FECH: variants seen among roughly 807,000 people sequenced by gnomAD.
FECH encodes the protein ferrochelatase, mitochondrial.
In FECH, 40 loss-of-function variants were observed where a neutral mutation model predicts 56.9. The observed-to-expected ratio is 0.70, with a 90% CI of 0.55 to 0.92. FECH has a LOEUF of 0.92. Among genes scored for constraint, FECH ranks in the 40% least tolerant of loss-of-function variants. FECH has a pLI of 0.00. For missense variants in FECH, 431 were observed against 529.1 expected, an observed-to-expected ratio of 0.81 and a Z score of 1.82; for synonymous variants, 175 against 198.6, an observed-to-expected ratio of 0.88 and a Z score of 1.00.
chr18:57,547,079 G>A lies in FECH; in HGVS notation c.*3633C>T, dbSNP rs2050730332. Reference sequence around the variant, plus strand: ...TTGGCCAATTTCTCCCATTTGGAATGGGAACATTTACCAATGTCTGTACTC... The same window carrying A: ...TTGGCCAATTTCTCCCATTTGGAATAGGAACATTTACCAATGTCTGTACTC... On this transcript the variant is annotated 3_prime_UTR_variant, in exon 11 of 11. Coordinates refer to ENST00000262093, the MANE Select transcript of FECH (RefSeq NM_000140.5). Among the ~76,000 whole-genome samples, 1 of 152,012 alleles carries A rather than the reference G, an allele frequency of 6.6e-6. No individual in the cohort carries two copies. Among genetic ancestry groups the A allele is most frequent in the Admixed American group, 6.6e-5 (1 of 15,254 alleles).
At chr18:57,583,667 G>A (rs937620715) in intron 1 of FECH, among the ~76,000 whole-genome samples, 3 of 152,192 alleles carry the variant, frequency 2.0e-5, no homozygotes, top group African/African-American at 7.2e-5. Flanking sequence ...ACCTTTAGAA[G>A]GCCTACAAAC....
rs79167924 is a variant in FECH, at chr18:57,554,748, C to T, written c.912+97G>A. On this transcript the variant is annotated intron_variant, in intron 8 of 10. Coordinates refer to ENST00000262093, the MANE Select transcript of FECH (RefSeq NM_000140.5). The stretch of plus-strand genomic sequence containing the variant: ...GTGAGCAATCAGGTTATGGAAGAGC[C>T]TGACCATGTGTAAGAGCCAAATCTA... 2,095 of 991,354 alleles carry T rather than the reference C, an allele frequency of 2.1e-3. 45 individuals are homozygous for T. The East Asian group carries it at 0.037, about 17-fold the overall frequency. 61.4% of individuals were successfully genotyped at this position (991,354 alleles called of 1,614,324 possible). A position where few individuals can be genotyped will look rare whatever the true frequency, so the allele number is the denominator to read the frequency against.
chr18:57,558,207 T>C (rs1357131519), intron 7 of FECH, among the ~76,000 whole-genome samples: 3 of 152,260 alleles, frequency 2.0e-5, no homozygotes, highest in African/African-American at 4.8e-5. Flanking sequence ...GGTTTTAGGA[T>C]AGAATGCTAG....
At position 57,547,403 on chromosome 18, in the gene FECH, A is replaced by G. The variant is rs891129925; in HGVS notation, c.*3309T>C. Among the ~76,000 whole-genome samples, 1 of 152,056 alleles carries G rather than the reference A, an allele frequency of 6.6e-6. No individual in the cohort carries two copies. The highest frequency in any genetic ancestry group is 1.5e-5 in the Non-Finnish European group (1 of 68,016). On this transcript the variant is annotated 3_prime_UTR_variant, in exon 11 of 11. Coordinates refer to ENST00000262093, the MANE Select transcript of FECH (RefSeq NM_000140.5). ...TGAGGGAGGGACCTGGTGGAAGGAGATTGGAACATGGAGACAGTTCCCCCA... is the reference window on the plus strand; with the variant it reads ...TGAGGGAGGGACCTGGTGGAAGGAGGTTGGAACATGGAGACAGTTCCCCCA...
chr18:57,576,011 C>T (rs980360564), intron 2 of FECH, among the ~76,000 whole-genome samples: 5 of 152,116 alleles, frequency 3.3e-5, no homozygotes, highest in African/African-American at 7.2e-5. Flanking sequence ...TGCCTTCAAC[C>T]GGGGTTTTTC....
intron 5 of FECH, among the ~76,000 whole-genome samples, chr18:57,563,640 A>G (rs2122288613): frequency 6.6e-6 from 1 of 150,396 alleles, no homozygotes; most frequent in East Asian, 1.9e-4. Context: ...AAGGTTATCA[A>G]TCCCATTATA....
chr18:57,579,260 GAT>G (rs1385157861), intron 2 of FECH, among the ~76,000 whole-genome samples: 79 of 63,968 alleles, frequency 1.2e-3, no homozygotes, highest in African/African-American at 4.9e-3. Flanking sequence ...AAAAAAAAAA[GAT>G]ATATATATAT....
intron 9 of FECH, among the ~76,000 whole-genome samples, chr18:57,553,713 AC>A (rs1232565640): frequency 6.6e-6 from 1 of 152,338 alleles, no homozygotes; most frequent in East Asian, 1.9e-4. Flanking sequence ...TCACAACATA[AC>A]AGCAAACAGC....
chr18:57,565,061 C>A (rs2040241), intron 5 of FECH, among the ~76,000 whole-genome samples: 71,372 of 152,100 alleles, frequency 0.47, 17,819 homozygotes, highest in Non-Finnish European at 0.56. Context: ...AAAAACTAAG[C>A]ATACAGTGAA....
intron 3 of FECH, among the ~76,000 whole-genome samples, chr18:57,572,628 CGT>C (rs1224258122): frequency 1.4e-3 from 186 of 129,984 alleles, no homozygotes; most frequent in Middle Eastern, 5.3e-3. Flanking sequence ...TGTATGTGCG[CGT>C]GTGTGTGTGT....
rs2122221022 is a variant in FECH, at chr18:57,545,687, C to T, written c.*5025G>A. Among the ~76,000 whole-genome samples, 1 of 152,066 alleles carries T rather than the reference C, an allele frequency of 6.6e-6. No individual in the cohort carries two copies. Among genetic ancestry groups the T allele is most frequent in the Middle Eastern group, 3.4e-3 (1 of 294 alleles). On this transcript the variant is annotated 3_prime_UTR_variant, in exon 11 of 11. Transcript: ENST00000262093. ...CTGAAGCACCTGCAGGTACCCACCA[C>T]TTGGCTGAGTGCTATATAGCTCTAC...
At position 57,547,990 on chromosome 18, in the gene FECH, C is replaced by T. The variant is rs1399598884; in HGVS notation, c.*2722G>A. 1.3e-5 allele frequency among the ~76,000 whole-genome samples: 2 copies of T among 152,122 alleles called. No homozygotes were observed. The highest frequency in any genetic ancestry group is 2.9e-5 in the Non-Finnish European group (2 of 68,020). The stretch of plus-strand genomic sequence containing the variant: ...TCAGGGCCAGGTGCAGAGGCTCATC[C>T]TTGTAATCCCAGCACTTTGGGAGAC... On this transcript the variant is annotated 3_prime_UTR_variant, in exon 11 of 11. Transcript: ENST00000262093.
chr18:57,562,439 T>G (rs908594679), intron 6 of FECH, among the ~76,000 whole-genome samples: 12 of 152,236 alleles, frequency 7.9e-5, no homozygotes, highest in African/African-American at 2.9e-4. Flanking sequence ...TTCAATTTAT[T>G]TTCATGTCTC....
intron 2 of FECH, among the ~76,000 whole-genome samples, chr18:57,575,516 C>T (rs532518062): frequency 1.3e-5 from 2 of 152,270 alleles, no homozygotes; most frequent in African/African-American, 4.8e-5. Flanking sequence ...AAACAAAGCT[C>T]ACTGCATCCT....
chr18:57,572,972 A>C (rs1482435688), intron 3 of FECH: 1 of 449,380 alleles, frequency 2.2e-6, no homozygotes, highest in Non-Finnish European at 4.0e-6. Context: ...ATCTTTAAAA[A>C]TCTTTAAAGG....
chr18:57,554,144 C>T lies in FECH; in HGVS notation c.1077+116G>A, dbSNP rs533332335. 154 of 1,072,788 alleles carry T rather than the reference C, an allele frequency of 1.4e-4. 1 individual carries two copies. The highest frequency in any genetic ancestry group is 1.4e-3 in the African/African-American group (85 of 59,482). The allele number at this position is 1,072,788 out of a possible 1,614,324, so 66.5% of individuals were successfully genotyped here. A position where few individuals can be genotyped will look rare whatever the true frequency, so the allele number is the denominator to read the frequency against. On this transcript the variant is annotated intron_variant, in intron 9 of 10. Coordinates refer to ENST00000262093, the MANE Select transcript of FECH (RefSeq NM_000140.5). The stretch of plus-strand genomic sequence containing the variant: ...GTATTATTCAGGAGAATGAGGACAC[C>T]GTACATGCAAACAAATACAGTAAAC...
At chr18:57,561,757 C>G (rs2050946402) in intron 6 of FECH, among the ~76,000 whole-genome samples, 1 of 152,196 alleles carries the variant, frequency 6.6e-6, no homozygotes, top group South Asian at 2.1e-4. Context: ...TACCACATGT[C>G]AATGCTGACC....
chr18:57,586,116 C>T, intron 1 of FECH: 1 of 181,114 alleles, frequency 5.5e-6, no homozygotes, highest in Non-Finnish European at 1.2e-5. Context: ...GACCAAGGAC[C>T]ATGGGCTTTC....
chr18:57,580,315 G>C, intron 1 of FECH, 116 bp from the exon 2 acceptor site: 3 of 1,353,286 alleles, frequency 2.2e-6, no homozygotes, highest in Non-Finnish European at 3.1e-6. Flanking sequence ...TGGCAGAAAT[G>C]ATTTTCCTAG....
Sources: gnomAD v4.1 joint callset for allele counts (sites outside exome capture counted in the v4.1 genomes callset) on GRCh38, gnomAD v4.1.1 for gene constraint, MANE v1.5 for transcripts, NCBI Gene and HGNC (gene_info 2026-07-23, HGNC 2026-07-21) for gene names.